LAMA4: variants seen among roughly 807,000 people sequenced by gnomAD.
LAMA4 encodes the protein laminin subunit alpha-4.
A neutral mutation model predicts 207.1 loss-of-function variants in LAMA4; 127 were observed. The observed-to-expected ratio is 0.61, with a 90% confidence interval of 0.53 to 0.71. The LOEUF is 0.71. Among genes scored for constraint, LAMA4 ranks in the 30% least tolerant of loss-of-function variants. The pLI is 0.00. For synonymous variants in LAMA4, 761 were observed against 816.0 expected, an observed-to-expected ratio of 0.93 and a Z score of 1.15; for missense variants, 2,093 against 2,246.5, an observed-to-expected ratio of 0.93 and a Z score of 1.38.
At chr6:112,179,617 T>G (rs1782226689) in intron 9 of LAMA4, 1 of 159,764 alleles carries the variant, frequency 6.3e-6, no homozygotes, top group African/African-American at 2.4e-5. Context: ...TTCTCTCCTT[T>G]CATCCAGTAT....
At chr6:112,187,650 G>A (rs1169326573) in intron 7 of LAMA4, 49 bp from the exon 8 acceptor site, 4 of 1,589,800 alleles carry the variant, frequency 2.5e-6, no homozygotes, top group Non-Finnish European at 3.4e-6. Flanking sequence ...GCATGCTAAA[G>A]GCAGGCCGTT....
chr6:112,148,965 A>C (rs963647522), intron 17 of LAMA4, among the ~76,000 whole-genome samples: 1 of 145,950 alleles, frequency 6.9e-6, no homozygotes, highest in Non-Finnish European at 1.5e-5. Flanking sequence ...TATAAATTTG[A>C]AGTTGTGCCC....
At position 112,140,741 on chromosome 6, in the gene LAMA4, A is replaced by T; in HGVS notation, c.2976+19T>A. 4 of 1,611,284 alleles carry T rather than the reference A, an allele frequency of 2.5e-6. No homozygotes were observed. On this transcript the variant is annotated intron_variant, in intron 22 of 38. Coordinates refer to ENST00000230538, the MANE Select transcript of LAMA4 (RefSeq NM_001105206.3). ...TACTGTAGATTTGTAATAGGTCAAA[A>T]TATAGCTGTATGGCTGACCTTGAAG...
intron 11 of LAMA4, among the ~76,000 whole-genome samples, chr6:112,174,136 C>T (rs1384072440): frequency 6.6e-6 from 1 of 151,850 alleles, no homozygotes; most frequent in African/African-American, 2.4e-5. Flanking sequence ...GCAGCTCTTC[C>T]AATCAAGAGT....
intron 2 of LAMA4, among the ~76,000 whole-genome samples, chr6:112,230,621 T>C (rs1785505668): frequency 6.6e-6 from 1 of 152,240 alleles, no homozygotes; most frequent in Non-Finnish European, 1.5e-5. Context: ...ACCAGGGTTA[T>C]TTGTTTTAAC....
At position 112,140,893 on chromosome 6, in the gene LAMA4, G is replaced by C. The variant is rs1554333003; in HGVS notation, c.2843C>G (p.Thr948Arg). Residue 948 changes from threonine (T) to arginine (R), a missense_variant, in exon 22 of 39, where the codon ACA (threonine) becomes AGA (arginine). By Grantham distance (71) the Thr-to-Arg change is moderately conservative. This residue lies in a region of LAMA4 where 1,704 missense variants were observed against 1,788.4 expected (regional missense o/e 0.95). Transcript: ENST00000230538. Reference sequence around the variant, plus strand: ...TGCTGTGCTACTTAGACTCGGGACTGTTAAAAACACCTTTCCATGTTTTCC... The same window carrying C: ...TGCTGTGCTACTTAGACTCGGGACTCTTAAAAACACCTTTCCATGTTTTCC... ...RVGKHGKVFL[T>R]VPSLSSTAEE... The C allele has an allele frequency of 6.2e-7, 1 of 1,613,680 alleles. No individual in the cohort carries two copies. The highest frequency in any genetic ancestry group is 8.5e-7 in the Non-Finnish European group (1 of 1,179,624).
At chr6:112,180,671 A>G (rs191091340) in intron 9 of LAMA4, among the ~76,000 whole-genome samples, 2 of 152,346 alleles carry the variant, frequency 1.3e-5, no homozygotes, top group African/African-American at 4.8e-5. Context: ...CATAAAAGGT[A>G]GATGACGTGA....
intron 26 of LAMA4, among the ~76,000 whole-genome samples, chr6:112,134,129 G>A (rs1391079458): frequency 1.3e-5 from 2 of 152,168 alleles, no homozygotes; most frequent in African/African-American, 4.8e-5. Context: ...ATGGGTTTAA[G>A]GCTAAAGCAA....
At position 112,108,588 on chromosome 6, in the gene LAMA4, T is replaced by G. The variant is rs1554320539; in HGVS notation, c.*849A>C. On this transcript the variant is annotated 3_prime_UTR_variant, in exon 39 of 39. Transcript: ENST00000230538. ...GTGTATGCCCATGTACAAATTTTTT[T>G]GCAGAGATGGGATCTCATTATGTTG... 6.6e-6 allele frequency among the ~76,000 whole-genome samples: 1 copy of G among 152,176 alleles called. No individual in the cohort carries two copies. The highest frequency in any genetic ancestry group is 1.5e-5 in the Non-Finnish European group (1 of 68,042).
At chr6:112,182,518 G>T (rs1384632784) in intron 9 of LAMA4, among the ~76,000 whole-genome samples, 1 of 152,186 alleles carries the variant, frequency 6.6e-6, no homozygotes, top group Non-Finnish European at 1.5e-5. Context: ...TTTTTGGCAG[G>T]ACCAGAGATG....
At chr6:112,163,500 C>T (rs375308213) in intron 13 of LAMA4, among the ~76,000 whole-genome samples, 1 of 152,000 alleles carries the variant, frequency 6.6e-6, no homozygotes, top group African/African-American at 2.4e-5. Flanking sequence ...ACCAGAGCAG[C>T]CAGGACAAGG....
chr6:112,240,432 TACAATTAAGTTATTATTG>T (rs1434612401), intron 2 of LAMA4, among the ~76,000 whole-genome samples: 3 of 152,210 alleles, frequency 2.0e-5, no homozygotes, highest in African/African-American at 7.2e-5. Flanking sequence ...TTTTAAAATG[TACAATTAAGTTATTATTG>T]ACTATAGTCA....
chr6:112,110,274 T>G (rs186993359), intron 38 of LAMA4, among the ~76,000 whole-genome samples: 16 of 152,316 alleles, frequency 1.1e-4, no homozygotes, highest in Admixed American at 1.0e-3. Context: ...GTTAGGATGA[T>G]AGAAGCAATA....
At chr6:112,212,817 C>T (rs1381460730) in intron 3 of LAMA4, among the ~76,000 whole-genome samples, 2 of 152,268 alleles carry the variant, frequency 1.3e-5, no homozygotes, top group African/African-American at 2.4e-5. Flanking sequence ...TCCTGTTCTT[C>T]GACACCTGAT....
chr6:112,200,096 A>G, intron 5 of LAMA4: 1 of 532,802 alleles, frequency 1.9e-6, no homozygotes, highest in South Asian at 1.4e-5. Flanking sequence ...CAACACTGCG[A>G]GCAGCTGGCA....
chr6:112,205,758 C>T (rs546138432), intron 4 of LAMA4, among the ~76,000 whole-genome samples: 2 of 152,186 alleles, frequency 1.3e-5, no homozygotes, highest in South Asian at 2.1e-4. Flanking sequence ...GAGGCACCAC[C>T]GAGGAACCAA....
chr6:112,138,349 G>A (rs1432651462), intron 24 of LAMA4, among the ~76,000 whole-genome samples: 1 of 152,086 alleles, frequency 6.6e-6, no homozygotes, highest in South Asian at 2.1e-4. Flanking sequence ...TTTGTGAGGT[G>A]TCTTGTCTAG....
intron 31 of LAMA4, among the ~76,000 whole-genome samples, chr6:112,128,111 T>C (rs2114630526): frequency 6.6e-6 from 1 of 152,242 alleles, no homozygotes; most frequent in South Asian, 2.1e-4. Context: ...AAGCCTAAAA[T>C]TGTTACACAA....
At chr6:112,227,591 C>T (rs898163634) in intron 2 of LAMA4, among the ~76,000 whole-genome samples, 5 of 152,240 alleles carry the variant, frequency 3.3e-5, no homozygotes, top group South Asian at 4.1e-4. Context: ...TAGATTGAGA[C>T]GCTTGTGTAT....
Sources: allele counts gnomAD v4.1 joint callset (sites outside exome capture counted in the v4.1 genomes callset), GRCh38; gene constraint gnomAD v4.1.1; regional missense constraint gnomAD v4.1.1; transcripts MANE v1.5; gene names NCBI Gene and HGNC (gene_info 2026-07-23, HGNC 2026-07-21).